Variants in CRISPLD1 observed in about 807,000 individuals in gnomAD.
The protein encoded by CRISPLD1 is cysteine rich secretory protein LCCL domain containing 1, also known as cysteine-rich secretory protein LCCL domain-containing 1.
CRISPLD1 carries 60 observed loss-of-function variants against 77.5 expected under a neutral mutation model. The observed-to-expected ratio is 0.77, with a 90% CI of 0.63 to 0.96. The LOEUF is 0.96. Ranked by LOEUF, CRISPLD1 falls within the 40% of genes least tolerant of loss-of-function variation. CRISPLD1 has a pLI of 0.00. For missense variants in CRISPLD1, 623 were observed against 615.8 expected, an observed-to-expected ratio of 1.01 and a Z score of -0.12; for synonymous variants, 195 against 200.1, an observed-to-expected ratio of 0.97 and a Z score of 0.22.
At position 75,014,859 on chromosome 8, in the gene CRISPLD1, C is replaced by G; in HGVS notation, c.674C>G (p.Ser225Cys). The G allele has an allele frequency of 6.3e-7, 1 of 1,582,094 alleles. No individual in the cohort carries two copies. The highest frequency in any genetic ancestry group is 8.6e-7 in the Non-Finnish European group (1 of 1,169,338). ...HAPYKHGRPCSACPPSFGGGC... is the reference protein window; with the variant it reads ...HAPYKHGRPCCACPPSFGGGC... ...CCTTACAAACATGGGCGGCCCTGTT[C>G]TGCTTGCCCACCTAGTTTTGGAGGG... Residue 225 changes from serine to cysteine, a missense_variant, in exon 6 of 15, where the codon TCT (serine) becomes TGT (cysteine). Coordinates refer to ENST00000262207, the MANE Select transcript of CRISPLD1 (RefSeq NM_031461.6).
rs532734482 is a variant in CRISPLD1 at position 74,989,099 on chromosome 8, A to G, written c.258+2854A>G. 2.6e-5 allele frequency among the ~76,000 whole-genome samples: 4 copies of G among 152,276 alleles called. No individual in the cohort carries two copies. In the South Asian group the frequency reaches 8.3e-4, roughly 32 times the overall value. ...TGAATCGTAGGCAAGAGTTGGGGGT[A>G]TACATCAATTAGAGGAAGAGGAAGA... On this transcript the variant is annotated intron_variant, in intron 2 of 14. Transcript: ENST00000262207.
In CRISPLD1 at chr8:75,014,005, A is replaced by T; in HGVS notation, c.529A>T (p.Asn177Tyr). Residue 177 changes from asparagine to tyrosine, a missense_variant, in exon 5 of 15, where the codon AAC becomes TAC. Coordinates refer to ENST00000262207, the MANE Select transcript of CRISPLD1 (RefSeq NM_031461.6). ...HYTQVVWATS[N>Y]RIGCAINLCH... The stretch of plus-strand genomic sequence containing the variant: ...AACATAGGTCGTGTGGGCAACTAGT[A>T]ACAGAATCGGTTGTGCCATTAATTT... 6.2e-7 allele frequency: 1 copy of T among 1,612,910 alleles called. No homozygotes were observed. The highest frequency in any genetic ancestry group is 8.5e-7 in the Non-Finnish European group (1 of 1,179,192).
At chr8:75,012,745 A>G in intron 3 of CRISPLD1, 145 bp from the exon 4 acceptor site, 1 of 865,184 alleles carries the variant, frequency 1.2e-6, no homozygotes, top group South Asian at 1.8e-5. Flanking sequence ...TCAATTTATT[A>G]GTAATGTAAG....
chr8:75,010,324 T>C (rs996953975), intron 2 of CRISPLD1, among the ~76,000 whole-genome samples: 1 of 152,122 alleles, frequency 6.6e-6, no homozygotes, highest in African/African-American at 2.4e-5. Flanking sequence ...TTTACATGCC[T>C]CTTTGTCCCT....
intron 12 of CRISPLD1, 24 bp downstream of exon 12, chr8:75,020,103 G>C (rs1158555284): frequency 1.3e-6 from 2 of 1,593,184 alleles, no homozygotes; most frequent in African/African-American, 1.3e-5. Flanking sequence ...CACATAGGGG[G>C]CTTTGGCCCT....
intron 2 of CRISPLD1, among the ~76,000 whole-genome samples, chr8:74,988,942 G>A (rs1281198689): frequency 7.2e-5 from 11 of 152,220 alleles, no homozygotes; most frequent in Admixed American, 7.2e-4. Flanking sequence ...CATAAGCAAG[G>A]ACACAAGAAT....
chr8:74,988,916 C>T (rs2128780545), intron 2 of CRISPLD1, among the ~76,000 whole-genome samples: 1 of 152,288 alleles, frequency 6.6e-6, no homozygotes, highest in African/African-American at 2.4e-5. Context: ...GAAATAGACT[C>T]ATTTGAAAAT....
intron 2 of CRISPLD1, among the ~76,000 whole-genome samples, chr8:75,000,592 C>G: frequency 6.6e-6 from 1 of 152,116 alleles, no homozygotes; most frequent in East Asian, 1.9e-4. Context: ...TTTCTGCTTC[C>G]TTTAAGACTC....
chr8:75,034,203 CAT>C lies in CRISPLD1; in HGVS notation c.*1963_*1964del, dbSNP rs1372544509. On this transcript the variant is annotated 3_prime_UTR_variant, in exon 15 of 15. Coordinates refer to ENST00000262207, the MANE Select transcript of CRISPLD1 (RefSeq NM_031461.6). ...TCTTGTAAAAACATTTAAGAACTTC[CAT>C]AGTCTTGTTCATATTGTTTACCTAT... The C allele has an allele frequency of 5.3e-5, 8 of 152,034 alleles. No individual in the cohort carries two copies. The highest frequency in any genetic ancestry group is 5.2e-4 in the Admixed American group (8 of 15,248). 9.4% of individuals were successfully genotyped at this position (152,034 alleles called of 1,614,324 possible).
rs761778221 is a variant in CRISPLD1 at position 75,025,583 on chromosome 8, C to T, written c.1282C>T (p.His428Tyr). The change falls in exon 13 of 15, where the codon CAT becomes TAT. Residue 428 changes from histidine to tyrosine, a missense_variant. Physicochemically the swap from His to Tyr is moderately conservative, Grantham distance 83. Transcript: ENST00000262207. Reference sequence around the variant, plus strand: ...TCGTAACTGTATGCAAGCAAATCCACATTATGCTCGTGTAATTGGAACTCG... The same window carrying T: ...TCGTAACTGTATGCAAGCAAATCCATATTATGCTCGTGTAATTGGAACTCG... ...CPRNCMQANPHYARVIGTRVY... is the reference protein window; with the variant it reads ...CPRNCMQANPYYARVIGTRVY... The T allele has an allele frequency of 5.0e-5, 79 of 1,590,312 alleles. No individual in the cohort carries two copies. Among genetic ancestry groups the T allele is most frequent in the Non-Finnish European group, 6.5e-5 (76 of 1,160,928 alleles).
chr8:75,029,558 C>A, intron 14 of CRISPLD1, 41 bp downstream of exon 14: 1 of 1,577,928 alleles, frequency 6.3e-7, no homozygotes, highest in Non-Finnish European at 8.7e-7. Context: ...TAAATACCAT[C>A]TATCACTGTA....
rs185498288 is a variant in CRISPLD1, at chr8:75,018,707, C to T, written c.1128-1163C>T. 3.3e-3 allele frequency among the ~76,000 whole-genome samples: 501 copies of T among 152,112 alleles called. 2 individuals are homozygous for T. Among genetic ancestry groups the T allele is most frequent in the Middle Eastern group, 0.017 (5 of 292 alleles). On this transcript the variant is annotated intron_variant, in intron 10 of 14. Transcript: ENST00000262207. ...CTCACAAGTTCAACTTTTCCTGCCT[C>T]AGCCTCCCAAGTAGCTGGGACTACA...
At chr8:74,996,151 G>T (rs1425741525) in intron 2 of CRISPLD1, among the ~76,000 whole-genome samples, 1 of 151,366 alleles carries the variant, frequency 6.6e-6, no homozygotes, top group Non-Finnish European at 1.5e-5. Context: ...GTGATATTTA[G>T]TTTACAGAAA....
At chr8:75,017,150 C>A in intron 9 of CRISPLD1, 37 bp downstream of exon 9, 1 of 1,556,692 alleles carries the variant, frequency 6.4e-7, no homozygotes, top group South Asian at 1.1e-5. Flanking sequence ...AGGATAGAGT[C>A]ATTCCATGTA....
intron 2 of CRISPLD1, among the ~76,000 whole-genome samples, chr8:75,003,431 C>A (rs1587010706): frequency 2.0e-5 from 3 of 152,040 alleles, no homozygotes; most frequent in Admixed American, 2.0e-4. Context: ...TATTTACTTT[C>A]AAAACCTAAG....
chr8:74,990,146 T>A (rs1812551100), intron 2 of CRISPLD1, among the ~76,000 whole-genome samples: 1 of 152,164 alleles, frequency 6.6e-6, no homozygotes, highest in African/African-American at 2.4e-5. Context: ...AACGTGTATA[T>A]TACATTATGT....
chr8:75,030,706 G>GTGTA (rs1554535316), intron 14 of CRISPLD1, among the ~76,000 whole-genome samples: 1 of 147,784 alleles, frequency 6.8e-6, no homozygotes, highest in African/African-American at 2.5e-5. Context: ...GTGTGTGTGT[G>GTGTA]TATATGTATG....
chr8:75,022,577 G>C (rs905766495), intron 12 of CRISPLD1, among the ~76,000 whole-genome samples: 21 of 142,580 alleles, frequency 1.5e-4, no homozygotes, highest in African/African-American at 5.5e-4. Flanking sequence ...GAAAGAGCGA[G>C]ACTCTGTCTC....
intron 10 of CRISPLD1, among the ~76,000 whole-genome samples, chr8:75,018,125 T>C (rs552309979): frequency 3.9e-4 from 60 of 152,312 alleles, no homozygotes; most frequent in African/African-American, 9.6e-4. Context: ...CAGAACTCCT[T>C]TTCTTAGGAA....
Sources: allele counts gnomAD v4.1 joint callset (sites outside exome capture counted in the v4.1 genomes callset), GRCh38; gene constraint gnomAD v4.1.1; transcripts MANE v1.5; gene names NCBI Gene and HGNC (gene_info 2026-07-23, HGNC 2026-07-21).